BST1: variants seen among roughly 807,000 people sequenced by gnomAD.
BST1 encodes the protein bone marrow stromal cell antigen 1.
In BST1, 49 loss-of-function variants were observed where a neutral mutation model predicts 40.6. The observed-to-expected ratio is 1.21, with a 90% confidence interval of 0.96 to 1.53. The LOEUF (loss-of-function observed/expected upper bound fraction) is 1.53, where lower values mean the gene tolerates loss of function less well. Among genes scored for constraint, BST1 ranks in the 40% most tolerant of loss-of-function variants. The pLI, the probability that BST1 is intolerant of heterozygous loss-of-function variation, is 0.00. For missense variants in BST1, 423 were observed against 395.9 expected (o/e 1.07, Z -0.58); for synonymous variants, 157 against 159.3 (o/e 0.99, Z 0.11).
chr4:15,751,736 CATCTATGTATAT>C, the BST1 span, among the ~76,000 whole-genome samples: 1 of 151,712 alleles, frequency 6.6e-6, no homozygotes, highest in African/African-American at 2.4e-5. Context: ...AGTATGCACA[CATCTATGTATAT>C]ATCTATGTAT....
chr4:15,712,093 C>G (rs767976331), intron 4 of BST1, among the ~76,000 whole-genome samples: 1 of 151,876 alleles, frequency 6.6e-6, no homozygotes, highest in African/African-American at 2.4e-5. Flanking sequence ...GTGCCTGGCA[C>G]GGAGAAAACA....
At chr4:15,710,997 C>T (rs1475176453) in intron 3 of BST1, among the ~76,000 whole-genome samples, 1 of 152,080 alleles carries the variant, frequency 6.6e-6, no homozygotes, top group Non-Finnish European at 1.5e-5. Flanking sequence ...ACCATGTTGG[C>T]TAGTCTGGTC....
At chr4:15,770,202 A>G in the BST1 span, among the ~76,000 whole-genome samples, 1 of 152,202 alleles carries the variant, frequency 6.6e-6, no homozygotes, top group Non-Finnish European at 1.5e-5. Flanking sequence ...GACCAAAGAA[A>G]GAAGAACATG....
intron 4 of BST1, among the ~76,000 whole-genome samples, chr4:15,713,794 C>T (rs534589478): frequency 1.3e-3 from 199 of 152,160 alleles, no homozygotes; most frequent in African/African-American, 4.4e-3. Context: ...ACCTCCACCT[C>T]CTAGGTTCAA....
intron 8 of BST1, 151 bp from the exon 9 acceptor site, chr4:15,731,589 C>T (rs567249501): frequency 1.7e-6 from 2 of 1,144,986 alleles, no homozygotes; most frequent in African/African-American, 1.5e-5. Flanking sequence ...CTTCGCGCAC[C>T]GCCTCCTACG....
At chr4:15,719,067 G>T in intron 7 of BST1, 74 bp downstream of exon 7, 1 of 1,327,468 alleles carries the variant, frequency 7.5e-7, no homozygotes, top group Non-Finnish European at 1.1e-6. Context: ...TGCCGAAAGG[G>T]TATTGATGGC....
chr4:15,768,791 C>T, the BST1 span, among the ~76,000 whole-genome samples: 18 of 152,198 alleles, frequency 1.2e-4, no homozygotes, highest in East Asian at 3.3e-3. Context: ...CCACCGCGCC[C>T]GGCCGATGGA....
At chr4:15,707,797 C>T in intron 3 of BST1, 151 bp downstream of exon 3, 3 of 925,386 alleles carry the variant, frequency 3.2e-6, no homozygotes, top group African/African-American at 1.7e-5. Flanking sequence ...AATAACAATA[C>T]TAGAGAATAC....
chr4:15,736,288 T>G (rs1368683368), downstream of BST1: 1 of 240,408 alleles, frequency 4.2e-6, no homozygotes, highest in Non-Finnish European at 6.7e-6. Context: ...AGCAATGGTT[T>G]CCTACCCTTG....
At chr4:15,734,714 A>G (rs1384374391), downstream of BST1, among the ~76,000 whole-genome samples, 1 of 152,168 alleles carries the variant, frequency 6.6e-6, no homozygotes, top group African/African-American at 2.4e-5. Context: ...CCTAAGGGTC[A>G]GTTTCCTGAA....
chr4:15,705,699 G>A, intron 2 of BST1, 58 bp downstream of exon 2: 1 of 1,591,300 alleles, frequency 6.3e-7, no homozygotes, highest in Non-Finnish European at 8.6e-7. Flanking sequence ...GAAATGGATG[G>A]TGCATGGGCC....
At chr4:15,764,885 T>TGTGTGTGG in the BST1 span, among the ~76,000 whole-genome samples, 10 of 151,616 alleles carry the variant, frequency 6.6e-5, no homozygotes, top group East Asian at 1.9e-4. Context: ...TGTGTGTGTG[T>TGTGTGTGG]GTGTGTGTGT....
At chr4:15,772,988 T>C in the BST1 span, among the ~76,000 whole-genome samples, 7 of 152,262 alleles carry the variant, frequency 4.6e-5, no homozygotes, top group Admixed American at 2.0e-4. Flanking sequence ...GTCAGAATTA[T>C]GTTGTAAAAG....
intron 3 of BST1, among the ~76,000 whole-genome samples, chr4:15,709,494 T>C (rs1381914894): frequency 1.3e-5 from 2 of 152,120 alleles, no homozygotes; most frequent in Non-Finnish European, 2.9e-5. Flanking sequence ...ATTCTTTCAA[T>C]GGAGAACTTC....
chr4:15,731,583 G>C (rs1721374648), intron 8 of BST1, 157 bp from the exon 9 acceptor site: 1 of 1,112,026 alleles, frequency 9.0e-7, no homozygotes, highest in Non-Finnish European at 1.3e-6. Flanking sequence ...GCAGGACTTC[G>C]CGCACCGCCT....
At chr4:15,737,899 G>A (rs1366923688) in exon 7 of BST1, 1 of 1,037,326 alleles carries the variant, frequency 9.6e-7, no homozygotes, top group Admixed American at 2.3e-5. Flanking sequence ...TCTGGCAAGA[G>A]TTGAGTCAAT....
At chr4:15,750,513 C>A in the BST1 span, among the ~76,000 whole-genome samples, 2 of 152,032 alleles carry the variant, frequency 1.3e-5, no homozygotes, top group African/African-American at 2.4e-5. Context: ...GAAAGAAAGC[C>A]GGGTGAATAA....
At chr4:15,707,711 G>A in intron 3 of BST1, 65 bp downstream of exon 3, 1 of 1,574,730 alleles carries the variant, frequency 6.4e-7, no homozygotes, top group Non-Finnish European at 8.6e-7. Context: ...TACCATTTGT[G>A]CTAAATGCTT....
intron 1 of BST1, among the ~76,000 whole-genome samples, 179 bp downstream of exon 1, chr4:15,703,511 T>C (rs557579640): frequency 4.0e-5 from 6 of 148,448 alleles, no homozygotes; most frequent in African/African-American, 1.2e-4. Flanking sequence ...AGGAGGGGGC[T>C]GTGAAGTGTG....
Sources: gnomAD v4.1 joint callset for allele counts (sites outside exome capture counted in the v4.1 genomes callset) on GRCh38, gnomAD v4.1.1 for gene constraint, MANE v1.5 for transcripts, NCBI Gene and HGNC (gene_info 2026-07-23, HGNC 2026-07-21) for gene names.